KLHL42: variants seen among roughly 807,000 people sequenced by gnomAD.
The protein encoded by KLHL42 is kelch-like protein 42.
In KLHL42, 27 loss-of-function variants were observed where a neutral mutation model predicts 32.7. The ratio of observed to expected loss-of-function variants is 0.83; its 90% confidence interval spans 0.61 to 1.14. The LOEUF is 1.14. KLHL42 is among the 50% of genes most tolerant of loss of function. The pLI, the probability that KLHL42 is intolerant of heterozygous loss-of-function variation, is 0.00. For missense variants in KLHL42, 491 were observed against 560.8 expected (o/e 0.88, Z 1.26); for synonymous variants, 267 against 248.2 (o/e 1.08, Z -0.71).
intron 1 of KLHL42, among the ~76,000 whole-genome samples, chr12:27,788,494 G>A (rs1317506780): frequency 6.6e-6 from 1 of 152,144 alleles, no homozygotes; most frequent in African/African-American, 2.4e-5. Flanking sequence ...GTTAATCCTT[G>A]AGATCTGCGT....
At chr12:27,797,507 G>A (rs1362926118) in intron 2 of KLHL42, among the ~76,000 whole-genome samples, 1 of 152,190 alleles carries the variant, frequency 6.6e-6, no homozygotes. Context: ...CCACGGAAGA[G>A]ACGTTTGGGA....
chr12:27,781,002 G>C lies in KLHL42; in HGVS notation c.672G>C (p.Glu224Asp). ...GEPPSMLRYE[E>D]MTERWFPLAN... ...CCCCGTCCATGCTCAGGTACGAGGA[G>C]ATGACTGAGCGTTGGTTCCCGCTGG... Residue 224 changes from glutamate (E) to aspartate (D), a missense_variant, in exon 1 of 3, where the codon GAG (glutamate) becomes GAC (aspartate). Around this residue, in one of 4 missense-constraint regions of KLHL42, gnomAD observed 248 missense variants for 329.2 expected, o/e 0.75. Transcript: ENST00000381271. 1 of 1,609,518 alleles carries C rather than the reference G, an allele frequency of 6.2e-7. No individual in the cohort carries two copies. Among genetic ancestry groups the C allele is most frequent in the Non-Finnish European group, 8.5e-7 (1 of 1,177,120 alleles).
chr12:27,798,399 C>A lies in KLHL42; in HGVS notation c.*233C>A. 2.1e-6 allele frequency: 1 copy of A among 482,092 alleles called. No homozygotes were observed. The highest frequency in any genetic ancestry group is 3.7e-6 in the Non-Finnish European group (1 of 271,182). 29.9% of individuals were successfully genotyped at this position (482,092 alleles called of 1,614,324 possible). A position where few individuals can be genotyped will look rare whatever the true frequency, so the allele number is the denominator to read the frequency against. ...TGATTTTTAAATTATGGGAGCAAAT[C>A]CATCTCCAAACATGATACTCTTGGG... On this transcript the variant is annotated 3_prime_UTR_variant, in exon 3 of 3. Transcript: ENST00000381271.
intron 1 of KLHL42, among the ~76,000 whole-genome samples, chr12:27,791,182 G>GTC (rs2062195202): frequency 6.6e-6 from 1 of 152,234 alleles, no homozygotes; most frequent in African/African-American, 2.4e-5. Flanking sequence ...CAGGACCAGT[G>GTC]TCTTGCTCAG....
Position 27,791,819 on chromosome 12 carries a change from G to A in KLHL42, c.984G>A (p.Ala328=), listed in dbSNP as rs531535444. 5.1e-5 allele frequency: 82 copies of A among 1,614,164 alleles called. No homozygotes were observed. In the South Asian group the frequency reaches 6.1e-4, roughly 12 times the overall value. ...AGCAGGATGCGTGGAATTTTGTGGC[G>A]CCCTTACCCAATCCTCTGGCTGAGT... ...NPEQDAWNFV[A]PLPNPLAEFS... The change falls in exon 2 of 3, where the codon GCG becomes GCA. Residue 328 remains alanine, a synonymous_variant. Coordinates refer to ENST00000381271, the MANE Select transcript of KLHL42 (RefSeq NM_020782.2).
intron 2 of KLHL42, chr12:27,797,132 A>AC: frequency 2.5e-6 from 1 of 404,176 alleles, no homozygotes; most frequent in Non-Finnish European, 4.9e-6. Context: ...TTTAAAAAAA[A>AC]ACAAAAAAAA....
In KLHL42 at chr12:27,799,653, G is replaced by A. The variant is rs1405218537; in HGVS notation, c.*1487G>A. On this transcript the variant is annotated 3_prime_UTR_variant, in exon 3 of 3. Transcript: ENST00000381271. ...ATGTAGGACAGGGGCTAATCACTTAGAGTTCTTCAGTTTATTAGAGGAGTG... is the reference window on the plus strand; with the variant it reads ...ATGTAGGACAGGGGCTAATCACTTAAAGTTCTTCAGTTTATTAGAGGAGTG... 1.3e-5 allele frequency: 2 copies of A among 152,564 alleles called. No individual in the cohort carries two copies. Among genetic ancestry groups the A allele is most frequent in the African/African-American group, 4.8e-5 (2 of 41,436 alleles). 9.5% of individuals were successfully genotyped at this position (152,564 alleles called of 1,614,324 possible). A position where few individuals can be genotyped will look rare whatever the true frequency, so the allele number is the denominator to read the frequency against.
chr12:27,799,647 C>G lies in KLHL42; in HGVS notation c.*1481C>G, dbSNP rs1012172282. ...GTGCAGATGTAGGACAGGGGCTAAT[C>G]ACTTAGAGTTCTTCAGTTTATTAGA... On this transcript the variant is annotated 3_prime_UTR_variant, in exon 3 of 3. Coordinates refer to ENST00000381271, the MANE Select transcript of KLHL42 (RefSeq NM_020782.2). The G allele has an allele frequency of 6.6e-6, 1 of 152,586 alleles. No individual in the cohort carries two copies. The highest frequency in any genetic ancestry group is 1.5e-5 in the Non-Finnish European group (1 of 68,020). The allele number at this position is 152,586 out of a possible 1,614,324, so 9.5% of individuals were successfully genotyped here.
Position 27,798,589 on chromosome 12 carries a change from T to G in KLHL42, c.*423T>G, listed in dbSNP as rs1188911058. 1 of 170,984 alleles carries G rather than the reference T, an allele frequency of 5.8e-6. No individual in the cohort carries two copies. Among genetic ancestry groups the G allele is most frequent in the Non-Finnish European group, 1.3e-5 (1 of 79,462 alleles). 10.6% of individuals were successfully genotyped at this position (170,984 alleles called of 1,614,324 possible). A position where few individuals can be genotyped will look rare whatever the true frequency, so the allele number is the denominator to read the frequency against. ...AGAGGTTTTCTTTTTCTTATCAGTGTCCTTGACAAGCATTCATATTAACAT... is the reference window on the plus strand; with the variant it reads ...AGAGGTTTTCTTTTTCTTATCAGTGGCCTTGACAAGCATTCATATTAACAT... On this transcript the variant is annotated 3_prime_UTR_variant, in exon 3 of 3. Coordinates refer to ENST00000381271, the MANE Select transcript of KLHL42 (RefSeq NM_020782.2).
intron 2 of KLHL42, among the ~76,000 whole-genome samples, chr12:27,793,331 G>C (rs187446136): frequency 6.6e-5 from 10 of 152,006 alleles, no homozygotes; most frequent in Admixed American, 5.9e-4. Context: ...CTTGAGCCTG[G>C]GTGTTCAAGA....
chr12:27,792,832 T>C (rs1054220318), intron 2 of KLHL42, among the ~76,000 whole-genome samples: 3 of 152,210 alleles, frequency 2.0e-5, no homozygotes, highest in Non-Finnish European at 2.9e-5. Context: ...CTGGTTCCAC[T>C]ATTTATTAAA....
At chr12:27,795,188 T>A (rs1236583172) in intron 2 of KLHL42, among the ~76,000 whole-genome samples, 1 of 152,264 alleles carries the variant, frequency 6.6e-6, no homozygotes. Flanking sequence ...TGGGCTGACA[T>A]AACGCACATA....
chr12:27,782,407 C>A (rs774344115), intron 1 of KLHL42, among the ~76,000 whole-genome samples: 1 of 152,150 alleles, frequency 6.6e-6, no homozygotes. Context: ...TATTCCTACC[C>A]GCTCTTCCTA....
At chr12:27,782,120 A>G (rs1379325157) in intron 1 of KLHL42, among the ~76,000 whole-genome samples, 1 of 152,214 alleles carries the variant, frequency 6.6e-6, no homozygotes, top group Non-Finnish European at 1.5e-5. Context: ...ACGTGTTTCC[A>G]TCTCAATCCT....
chr12:27,780,752 G>C lies in KLHL42; in HGVS notation c.422G>C (p.Gly141Ala). ...ATGTACCGCCTGGCGCAGGTGTACG[G>C]GCTGCCCGACCTGCAGGAGGCCTGC... ...LEMYRLAQVY[G>A]LPDLQEACLR... Residue 141 changes from glycine to alanine, a missense_variant, in exon 1 of 3, where the codon GGG (glycine) becomes GCG (alanine). Physicochemically the swap from Gly to Ala is moderately conservative, Grantham distance 60. Coordinates refer to ENST00000381271, the MANE Select transcript of KLHL42 (RefSeq NM_020782.2). This position sits in a 1 kb window ranked among gnomAD's most constrained non-coding sequence, Gnocchi z 8.8. The C allele has an allele frequency of 6.2e-7, 1 of 1,613,370 alleles. No homozygotes were observed. The highest frequency in any genetic ancestry group is 8.5e-7 in the Non-Finnish European group (1 of 1,180,006).
chr12:27,795,614 C>G (rs1240510728), intron 2 of KLHL42, among the ~76,000 whole-genome samples: 2 of 129,504 alleles, frequency 1.5e-5, no homozygotes, highest in African/African-American at 3.0e-5. Context: ...GATAAGTCAT[C>G]ATGATTGTTA....
chr12:27,781,176 C>A lies in KLHL42; in HGVS notation c.846C>A (p.Leu282=), dbSNP rs748918755. ...HSYNPSTNEW[L]QVASMNQKRS... ...ACAACCCCAGCACCAACGAGTGGCT[C>A]CAGGTGGCCTCCATGAACCAGAAGA... The change falls in exon 1 of 3, where the codon CTC becomes CTA. Residue 282 remains leucine, a synonymous_variant. Transcript: ENST00000381271. 1 of 1,613,912 alleles carries A rather than the reference C, an allele frequency of 6.2e-7. No homozygotes were observed. Among genetic ancestry groups the A allele is most frequent in the Admixed American group, 1.7e-5 (1 of 60,026 alleles).
At position 27,798,607 on chromosome 12, in the gene KLHL42, A is replaced by T. The variant is rs559034526; in HGVS notation, c.*441A>T. 1 of 167,420 alleles carries T rather than the reference A, an allele frequency of 6.0e-6. No homozygotes were observed. Among genetic ancestry groups the T allele is most frequent in the East Asian group, 1.8e-4 (1 of 5,714 alleles). 10.4% of individuals were successfully genotyped at this position (167,420 alleles called of 1,614,324 possible). On this transcript the variant is annotated 3_prime_UTR_variant, in exon 3 of 3. Transcript: ENST00000381271. ...ATCAGTGTCCTTGACAAGCATTCATATTAACATATTCATTCTCTCTTCTCC... is the reference window on the plus strand; with the variant it reads ...ATCAGTGTCCTTGACAAGCATTCATTTTAACATATTCATTCTCTCTTCTCC...
rs767805990 is a variant in KLHL42, at chr12:27,791,902, G to A, written c.1066+1G>A. The A allele has an allele frequency of 1.2e-5, 19 of 1,613,466 alleles. No individual in the cohort carries two copies. The highest frequency in any genetic ancestry group is 1.5e-5 in the Non-Finnish European group (18 of 1,179,830). The stretch of plus-strand genomic sequence containing the variant: ...GTCATTGGAGGATACACTACCAGAG[G>A]TAAGTGAAGGGACCAGGTAGGTGGT... On this transcript the variant is annotated splice_donor_variant, in intron 2 of 2. Coordinates refer to ENST00000381271, the MANE Select transcript of KLHL42 (RefSeq NM_020782.2). LOFTEE classifies it high-confidence loss of function.
Sources: gnomAD v4.1 joint callset for allele counts (sites outside exome capture counted in the v4.1 genomes callset) on GRCh38, gnomAD v4.1.1 for gene constraint, gnomAD v4.1.1 regional missense constraint, Gnocchi (gnomAD v3.1) non-coding constraint, MANE v1.5 for transcripts, NCBI Gene and HGNC (gene_info 2026-07-23, HGNC 2026-07-21) for gene names.